The following CENPX variants were observed in gnomAD, a reference collection of about 807,000 sequenced individuals.
CENPX encodes the protein FANCM associated histone fold protein 2.
CENPX carries 13 observed loss-of-function variants against 13.2 expected under a neutral mutation model. The observed-to-expected ratio is 0.98, with a 90% CI of 0.64 to 1.56. The LOEUF is 1.56. Among genes scored for constraint, CENPX ranks in the 40% most tolerant of loss-of-function variants. The probability of loss-of-function intolerance (pLI) is 0.00; values close to 1 mark genes in which losing one functional copy is unlikely to be tolerated. For missense variants in CENPX, 138 were observed against 107.5 expected (o/e 1.28, Z -1.26); for synonymous variants, 66 against 47.2 (o/e 1.40, Z -1.63).
rs1472537911 is a variant in CENPX at position 82,019,878 on chromosome 17, A to C, written c.68T>G (p.Phe23Cys). The C allele has an allele frequency of 6.6e-7, 1 of 1,505,898 alleles. No individual in the cohort carries two copies. Among genetic ancestry groups the C allele is most frequent in the East Asian group, 2.6e-5 (1 of 38,250 alleles). The allele number at this position is 1,505,898 out of a possible 1,614,324, so 93.3% of individuals were successfully genotyped here. Residue 23 changes from phenylalanine to cysteine, a missense_variant, in exon 2 of 5, where the codon TTC (phenylalanine) becomes TGC (cysteine). By Grantham distance (205) the Phe-to-Cys change is radical. Coordinates refer to ENST00000392359, the MANE Select transcript of CENPX (RefSeq NM_001271006.2). ...CGCACCTTTGGTCTTGTCATCCTTG[A>C]AGTGCAGGTGCAGCAGCCTGCTCAC... ...ELVSRLLHLH[F>C]KDDKTKVSGD...
intron 1 of CENPX, among the ~76,000 whole-genome samples, chr17:82,021,842 C>T (rs1290251399): frequency 6.6e-6 from 1 of 152,232 alleles, no homozygotes; most frequent in Non-Finnish European, 1.5e-5. Flanking sequence ...TTTCTGAATT[C>T]CGGCAAGAAT....
chr17:82,021,540 C>T (rs551513263), intron 1 of CENPX, among the ~76,000 whole-genome samples: 1 of 152,194 alleles, frequency 6.6e-6, no homozygotes, highest in Non-Finnish European at 1.5e-5. Flanking sequence ...AGCACTGGGG[C>T]GGTTGTGGAG....
chr17:82,020,481 A>G (rs1331875388), intron 1 of CENPX, among the ~76,000 whole-genome samples: 1 of 152,118 alleles, frequency 6.6e-6, no homozygotes, highest in African/African-American at 2.4e-5. Flanking sequence ...GTGTCCTGGG[A>G]GCGCAGAGCG....
At chr17:82,022,338 G>A (rs573196206) in intron 1 of CENPX, among the ~76,000 whole-genome samples, 4 of 152,384 alleles carry the variant, frequency 2.6e-5, no homozygotes, top group African/African-American at 7.2e-5. Context: ...GAGCACCGAA[G>A]AAACCACGCG....
intron 1 of CENPX, 130 bp downstream of exon 1, chr17:82,022,696 G>C: frequency 9.0e-7 from 1 of 1,114,550 alleles, no homozygotes; most frequent in Non-Finnish European, 1.3e-6. Flanking sequence ...CGGAGATGGA[G>C]TCTGAGAACG....
chr17:82,022,807 C>T lies in CENPX; in HGVS notation c.36+19G>A, dbSNP rs745470622. The T allele has an allele frequency of 6.3e-7, 1 of 1,579,230 alleles. No homozygotes were observed. Among genetic ancestry groups the T allele is most frequent in the South Asian group, 1.2e-5 (1 of 86,860 alleles). On this transcript the variant is annotated intron_variant, in intron 1 of 4. Transcript: ENST00000392359. ...ACGGAGCGTCCGCGCCTGCCTAGCC[C>T]CTGCCCTCCGGCCCTCACCTTCCGG...
At chr17:82,021,972 C>T (rs965686718) in intron 1 of CENPX, among the ~76,000 whole-genome samples, 5 of 152,224 alleles carry the variant, frequency 3.3e-5, no homozygotes, top group Non-Finnish European at 7.3e-5. Flanking sequence ...TTCTACAGGG[C>T]TGAAGTCCTC....
chr17:82,019,704 AG>A lies in CENPX; in HGVS notation c.89-11del. 6.5e-7 allele frequency: 1 copy of A among 1,550,256 alleles called. No individual in the cohort carries two copies. Among genetic ancestry groups the A allele is most frequent in the Non-Finnish European group, 8.7e-7 (1 of 1,146,928 alleles). On this transcript the variant is annotated splice_polypyrimidine_tract_variant and intron_variant, in intron 2 of 4. Transcript: ENST00000392359. ...AGCGCGTCCCCGCTCACTGCAAGGC[AG>A]GGGGAGGTTATGCGGGACCCTCACC... is the stretch of plus-strand genomic sequence containing the variant.
At chr17:82,019,834 T>TACCCCCCCCCCC in intron 2 of CENPX, 24 bp downstream of exon 2, 1 of 1,207,750 alleles carries the variant, frequency 8.3e-7, no homozygotes, top group African/African-American at 1.5e-5. Context: ...GGGACCCACC[T>TACCCCCCCCCCC]CCCGCCCGCA....
In CENPX at chr17:82,021,753, G is replaced by A. The variant is rs556675734; in HGVS notation, c.36+1073C>T. ...GGTGTGTACCCAGTGCCCCGTCTCC[G>A]GCAGTGGCCTTTTGGCTACTTTAAC... On this transcript the variant is annotated intron_variant, in intron 1 of 4. Coordinates refer to ENST00000392359, the MANE Select transcript of CENPX (RefSeq NM_001271006.2). 5.9e-5 allele frequency among the ~76,000 whole-genome samples: 9 copies of A among 152,336 alleles called. No homozygotes were observed. The South Asian group carries it at 1.7e-3, about 28-fold the overall frequency.
chr17:82,020,726 G>A (rs573458181), intron 1 of CENPX, among the ~76,000 whole-genome samples: 5 of 152,220 alleles, frequency 3.3e-5, no homozygotes, highest in Non-Finnish European at 7.3e-5. Context: ...GATGGAGGAC[G>A]GGGACAAGGG....
intron 1 of CENPX, chr17:82,022,592 C>T (rs2043308290): frequency 1.7e-6 from 1 of 587,192 alleles, no homozygotes; most frequent in African/African-American, 2.0e-5. Flanking sequence ...TTTCTGCAGA[C>T]CCTCTCCACC....
At chr17:82,022,225 C>T (rs2043300277) in intron 1 of CENPX, among the ~76,000 whole-genome samples, 1 of 152,210 alleles carries the variant, frequency 6.6e-6, no homozygotes, top group Non-Finnish European at 1.5e-5. Flanking sequence ...CTGGCTCAGA[C>T]GGCCTAGGTC....
intron 1 of CENPX, 87 bp from the exon 2 acceptor site, chr17:82,019,996 G>T: frequency 7.7e-7 from 1 of 1,304,674 alleles, no homozygotes; most frequent in Non-Finnish European, 1.0e-6. Context: ...CAGTGGCTGT[G>T]ACTTCTGGCT....
chr17:82,019,274 C>CA lies in CENPX; in HGVS notation c.231+18_231+19insT, dbSNP rs1199113693. ...CCAGCCGGGCACCCCCACTTGCGCC[C>CA]CGACCCACGCTCACGCACCAGCTGC... On this transcript the variant is annotated intron_variant, in intron 4 of 4. Coordinates refer to ENST00000392359, the MANE Select transcript of CENPX (RefSeq NM_001271006.2). 1.3e-6 allele frequency: 2 copies of CA among 1,596,846 alleles called. No individual in the cohort carries two copies. Among genetic ancestry groups the CA allele is most frequent in the South Asian group, 2.2e-5 (2 of 88,994 alleles).
At chr17:82,019,981 GGTGACAGTGGCT>G (rs2043253048) in intron 1 of CENPX, 72 bp from the exon 2 acceptor site, 1 of 1,392,574 alleles carries the variant, frequency 7.2e-7, no homozygotes, top group East Asian at 2.5e-5. Flanking sequence ...TGACCATTCT[GGTGACAGTGGCT>G]GTGACTTCTG....
Position 82,022,854 on chromosome 17 carries a change from C to T in CENPX, c.8G>A (p.Gly3Glu). The change falls in exon 1 of 5, where the codon GGA becomes GAA. Residue 3 changes from glycine to glutamate, a missense_variant. Transcript: ENST00000392359. ...CCGGAAGCCGGATCCAGCTCCTGCT[C>T]CCTCCATGACCGCAGCCTCAACGCG... The part of the protein sequence containing the change: ME[G>E]AGAGSGFRKE... 6.3e-7 allele frequency: 1 copy of T among 1,592,950 alleles called. No individual in the cohort carries two copies. Among genetic ancestry groups the T allele is most frequent in the Non-Finnish European group, 8.5e-7 (1 of 1,172,576 alleles).
chr17:82,022,571 A>G (rs1388411421), intron 1 of CENPX: 3 of 561,604 alleles, frequency 5.3e-6, no homozygotes, highest in African/African-American at 2.0e-5. Context: ...GACGGCGCCC[A>G]CCCCTGCCTG....
rs772520365 is a variant in CENPX, at chr17:82,019,384, G to A, written c.143-3C>T. The A allele has an allele frequency of 1.3e-6, 2 of 1,546,536 alleles. No individual in the cohort carries two copies. Among genetic ancestry groups the A allele is most frequent in the South Asian group, 1.2e-5 (1 of 84,416 alleles). On this transcript the variant is annotated splice_polypyrimidine_tract_variant and splice_region_variant and intron_variant, in intron 3 of 4. Transcript: ENST00000392359. ...CCGCACGCCGCGGACTGCTGCTTCT[G>A]CGGTGAGAAACGCGAGAGGTGGGGG... is the stretch of plus-strand genomic sequence containing the variant.
Sources: allele counts gnomAD v4.1 joint callset (sites outside exome capture counted in the v4.1 genomes callset), GRCh38; gene constraint gnomAD v4.1.1; transcripts MANE v1.5; gene names NCBI Gene and HGNC (gene_info 2026-07-23, HGNC 2026-07-21).